MEOX1: variants seen among roughly 807,000 people sequenced by gnomAD.
The protein encoded by MEOX1 is homeobox protein MOX-1.
Under a neutral mutation model 23.2 loss-of-function variants are expected in MEOX1, and 17 were observed. That is an observed-to-expected ratio of 0.73 (90% CI 0.50 to 1.10). MEOX1 has a LOEUF of 1.10. Ranked by LOEUF, MEOX1 falls within the 50% of genes least tolerant of loss-of-function variation. MEOX1 has a pLI of 0.00. For missense variants in MEOX1, 333 were observed against 332.2 expected (o/e 1.00, Z -0.02); for synonymous variants, 134 against 135.1 (o/e 0.99, Z 0.06).
intron 1 of MEOX1, among the ~76,000 whole-genome samples, chr17:43,651,251 C>T (rs192037639): frequency 6.6e-5 from 10 of 152,066 alleles, no homozygotes; most frequent in Admixed American, 1.3e-4. Flanking sequence ...ACTGGGAGGC[C>T]GAGCTTGCAG....
At chr17:43,651,871 C>T (rs565364060) in intron 1 of MEOX1, among the ~76,000 whole-genome samples, 4 of 152,324 alleles carry the variant, frequency 2.6e-5, no homozygotes, top group South Asian at 2.1e-4. Context: ...TTACAGCTCA[C>T]GGGCTCATTG....
At chr17:43,657,170 CTTTTTT>C (rs57432395) in intron 1 of MEOX1, among the ~76,000 whole-genome samples, 2 of 81,722 alleles carry the variant, frequency 2.4e-5, no homozygotes, top group Admixed American at 1.6e-4. Flanking sequence ...TTCTTTCTTT[CTTTTTT>C]TTTTTTTTTT....
intron 1 of MEOX1, among the ~76,000 whole-genome samples, chr17:43,646,093 CG>C (rs892136564): frequency 2.0e-5 from 3 of 152,174 alleles, no homozygotes; most frequent in Non-Finnish European, 4.4e-5. Flanking sequence ...GCGTCCGATC[CG>C]GGTTGGCCGC....
At chr17:43,654,921 G>A (rs1378337091) in intron 1 of MEOX1, among the ~76,000 whole-genome samples, 1 of 151,708 alleles carries the variant, frequency 6.6e-6, no homozygotes, top group Non-Finnish European at 1.5e-5. Context: ...ACGTGGTGGT[G>A]GGCGCCTGTA....
intron 1 of MEOX1, among the ~76,000 whole-genome samples, chr17:43,657,059 C>CTTTCTTTCTCTCTCTCTTTCT (rs1567748423): frequency 2.1e-5 from 1 of 48,370 alleles, no homozygotes; most frequent in Admixed American, 2.9e-4. Context: ...TCTTTCTTTC[C>CTTTCTTTCTCTCTCTCTTTCT]TTCCTTCCTT....
Position 43,648,723 on chromosome 17 carries a change from A to T in MEOX1, c.470-5063T>A, listed in dbSNP as rs957601776. Among the ~76,000 whole-genome samples the T allele has an allele frequency of 3.3e-5, 5 of 152,130 alleles. No individual in the cohort carries two copies. The East Asian group carries it at 9.6e-4, about 29-fold the overall frequency. On this transcript the variant is annotated intron_variant, in intron 1 of 2. Transcript: ENST00000318579. ...CATTGAGAACCCTTAGCCTTGATGA[A>T]GTCTGAGGCTCTTCCAACTTCACGT...
chr17:43,656,725 G>A (rs991058547), intron 1 of MEOX1, among the ~76,000 whole-genome samples: 2 of 152,128 alleles, frequency 1.3e-5, no homozygotes, highest in Admixed American at 6.5e-5. Context: ...CTAATCACAC[G>A]CAACCTTCCC....
chr17:43,659,118 C>T (rs1274473269), intron 1 of MEOX1, among the ~76,000 whole-genome samples: 3 of 152,194 alleles, frequency 2.0e-5, no homozygotes, highest in South Asian at 2.1e-4. Flanking sequence ...TGCTGAGACT[C>T]GGAATGCTGG....
Position 43,658,504 on chromosome 17 carries a change from C to A in MEOX1, c.469+2562G>T, listed in dbSNP as rs1277226543. 6.0e-5 allele frequency among the ~76,000 whole-genome samples: 6 copies of A among 99,432 alleles called. 1 individual carries two copies. The highest frequency in any genetic ancestry group is 1.5e-4 in the African/African-American group (5 of 33,494). 65.2% of individuals were successfully genotyped at this position (99,432 alleles called of 152,430 possible). On this transcript the variant is annotated intron_variant, in intron 1 of 2. Transcript: ENST00000318579. ...CATGGGCGTTAGAGTGAGACTCCAT[C>A]TCAAAAAAAAAAAAAAAAGAATATT...
intron 1 of MEOX1, among the ~76,000 whole-genome samples, chr17:43,644,175 C>T (rs1972759070): frequency 6.6e-6 from 1 of 152,236 alleles, no homozygotes; most frequent in Admixed American, 6.5e-5. Flanking sequence ...CCTCCAGATG[C>T]GTCTGGTGCA....
chr17:43,659,531 G>T (rs942974184), intron 1 of MEOX1, among the ~76,000 whole-genome samples: 3 of 152,224 alleles, frequency 2.0e-5, no homozygotes, highest in South Asian at 2.1e-4. Context: ...TGAAGCCTGG[G>T]GTTTGAGCTC....
rs534464292 is a variant in MEOX1, at chr17:43,644,691, G to A, written c.470-1031C>T. ...AGCACTTTGGGAGGCCAAGGCGGGCGGATCACGAGGTCAGGAGCTCGAGAC... is the reference window on the plus strand; with the variant it reads ...AGCACTTTGGGAGGCCAAGGCGGGCAGATCACGAGGTCAGGAGCTCGAGAC... On this transcript the variant is annotated intron_variant, in intron 1 of 2. Coordinates refer to ENST00000318579, the MANE Select transcript of MEOX1 (RefSeq NM_004527.4). Among the ~76,000 whole-genome samples, 10 of 152,314 alleles carry A rather than the reference G, an allele frequency of 6.6e-5. No individual in the cohort carries two copies. The South Asian group carries it at 1.2e-3, about 19-fold the overall frequency.
chr17:43,645,864 C>T (rs975706832), intron 1 of MEOX1, among the ~76,000 whole-genome samples: 9 of 152,276 alleles, frequency 5.9e-5, no homozygotes, highest in African/African-American at 2.2e-4. Context: ...TCCTCCGCCT[C>T]CGCGCCCCAC....
rs950440218 is a variant in MEOX1, at chr17:43,659,926, C to A, written c.469+1140G>T. Reference sequence around the variant, plus strand: ...CATCTCAGAGCATTCCTGGGCTTGGCTAAGAGCAGAAACTCGGGAAAGCTG... The same window carrying A: ...CATCTCAGAGCATTCCTGGGCTTGGATAAGAGCAGAAACTCGGGAAAGCTG... On this transcript the variant is annotated intron_variant, in intron 1 of 2. Transcript: ENST00000318579. 9.2e-5 allele frequency among the ~76,000 whole-genome samples: 14 copies of A among 152,338 alleles called. No individual in the cohort carries two copies. The South Asian group carries it at 2.1e-3, about 23-fold the overall frequency.
rs1298941359 is a variant in MEOX1 at position 43,661,461 on chromosome 17, G to A, written c.74C>T (p.Pro25Leu). Reference sequence around the variant, plus strand: ...TGAGGCCCCATTGCCTTCCGAGTGGGGGTTTCGAAGGCAGCCCCAGACAGG... The same window carrying A: ...TGAGGCCCCATTGCCTTCCGAGTGGAGGTTTCGAAGGCAGCCCCAGACAGG... ...PAPVWGCLRNPHSEGNGASGL... is the reference protein window; with the variant it reads ...PAPVWGCLRNLHSEGNGASGL... Residue 25 changes from proline to leucine, a missense_variant, in exon 1 of 3, where the codon CCC becomes CTC. Coordinates refer to ENST00000318579, the MANE Select transcript of MEOX1 (RefSeq NM_004527.4). The A allele has an allele frequency of 6.2e-7, 1 of 1,610,490 alleles. No homozygotes were observed. The highest frequency in any genetic ancestry group is 1.1e-5 in the South Asian group (1 of 90,446).
rs530790147 is a variant in MEOX1, at chr17:43,659,282, T to C, written c.469+1784A>G. On this transcript the variant is annotated intron_variant, in intron 1 of 2. Transcript: ENST00000318579. ...CTCTTCAACCAGGTTCAGAGCCAAGTCGCTGAGAGTTGCTTCTCATCCTTA... is the reference window on the plus strand; with the variant it reads ...CTCTTCAACCAGGTTCAGAGCCAAGCCGCTGAGAGTTGCTTCTCATCCTTA... Among the ~76,000 whole-genome samples the C allele has an allele frequency of 3.3e-5, 5 of 152,298 alleles. No homozygotes were observed. The East Asian group carries it at 9.6e-4, about 29-fold the overall frequency.
At chr17:43,642,661 G>A (rs979926474) in intron 2 of MEOX1, among the ~76,000 whole-genome samples, 5 of 149,150 alleles carry the variant, frequency 3.4e-5, no homozygotes, top group Admixed American at 6.6e-5. Flanking sequence ...GTGTGGGGGT[G>A]TGGGGTGGCT....
intron 2 of MEOX1, among the ~76,000 whole-genome samples, 165 bp from the exon 3 acceptor site, chr17:43,642,197 G>T (rs1184470169): frequency 6.6e-6 from 1 of 152,196 alleles, no homozygotes; most frequent in African/African-American, 2.4e-5. Context: ...ACCGAAGAGA[G>T]GACATACCAA....
chr17:43,651,656 AG>A (rs1972918677), intron 1 of MEOX1, among the ~76,000 whole-genome samples: 1 of 152,160 alleles, frequency 6.6e-6, no homozygotes, highest in Non-Finnish European at 1.5e-5. Flanking sequence ...GTTGGGGAAA[AG>A]GGCCAGCTCT....
Sources: gnomAD v4.1 joint callset for allele counts (sites outside exome capture counted in the v4.1 genomes callset) on GRCh38, gnomAD v4.1.1 for gene constraint, MANE v1.5 for transcripts, NCBI Gene and HGNC (gene_info 2026-07-23, HGNC 2026-07-21) for gene names.